The following CDC25C variants were observed in gnomAD, a reference collection of about 807,000 sequenced individuals.
The protein encoded by CDC25C is M-phase inducer phosphatase 3.
A neutral mutation model predicts 52.5 loss-of-function variants in CDC25C; 48 were observed. The observed-to-expected ratio is 0.91, with a 90% CI of 0.72 to 1.16. The LOEUF is 1.16. Among genes scored for constraint, CDC25C ranks in the 50% most tolerant of loss-of-function variants. The pLI, the probability that CDC25C is intolerant of heterozygous loss-of-function variation, is 0.00. For synonymous variants in CDC25C, 187 were observed against 206.5 expected, an observed-to-expected ratio of 0.91 and a Z score of 0.81; for missense variants, 510 against 566.1, an observed-to-expected ratio of 0.90 and a Z score of 1.01.
intron 7 of CDC25C, among the ~76,000 whole-genome samples, chr5:138,297,294 CAA>C (rs1464911289): frequency 5.9e-5 from 9 of 151,934 alleles, no homozygotes; most frequent in African/African-American, 2.2e-4. Flanking sequence ...CTCCTGACCT[CAA>C]GTGATCGGCC....
chr5:138,337,905 T>C, intron 1 of CDC25C: 2 of 1,239,560 alleles, frequency 1.6e-6, no homozygotes, highest in Non-Finnish European at 2.1e-6. Flanking sequence ...AGTGGGAGGC[T>C]GCAGTTGGGC....
At chr5:138,307,993 C>T (rs534396329) in intron 7 of CDC25C, among the ~76,000 whole-genome samples, 7 of 152,222 alleles carry the variant, frequency 4.6e-5, no homozygotes, top group Admixed American at 2.6e-4. Context: ...CTAGATCCCT[C>T]GCATGCGCAG....
chr5:138,335,951 T>C (rs1182674537), upstream of CDC25C, among the ~76,000 whole-genome samples: 1 of 151,882 alleles, frequency 6.6e-6, no homozygotes, highest in Non-Finnish European at 1.5e-5. Flanking sequence ...TTAGACTGCT[T>C]TTTGAGAGTA....
At chr5:138,311,432 C>T (rs1254898716) in intron 7 of CDC25C, among the ~76,000 whole-genome samples, 3 of 152,054 alleles carry the variant, frequency 2.0e-5, no homozygotes, top group Non-Finnish European at 4.4e-5. Flanking sequence ...ATCTCTATCT[C>T]TACAAAAAAT....
exon 1 of CDC25C, chr5:138,338,211 C>G (rs1234300189): frequency 6.3e-6 from 8 of 1,274,244 alleles, no homozygotes; most frequent in Non-Finnish European, 8.2e-6. Context: ...TCCTCAGGGA[C>G]TCGTTGGTTC....
chr5:138,323,538 C>T (rs892495015), intron 6 of CDC25C, among the ~76,000 whole-genome samples: 2 of 151,996 alleles, frequency 1.3e-5, no homozygotes, highest in African/African-American at 4.8e-5. Flanking sequence ...ACTCAAAGTC[C>T]TGGACTCAAG....
chr5:138,312,687 G>A (rs756331340), intron 7 of CDC25C, among the ~76,000 whole-genome samples: 46 of 152,284 alleles, frequency 3.0e-4, no homozygotes, highest in Non-Finnish European at 5.7e-4. Flanking sequence ...CAGAGGCTGG[G>A]AGAAGGGGAA....
chr5:138,308,420 G>T (rs560952183), intron 7 of CDC25C, among the ~76,000 whole-genome samples: 161 of 152,246 alleles, frequency 1.1e-3, no homozygotes, highest in African/African-American at 3.6e-3. Flanking sequence ...AATTCAATTT[G>T]CTAAGTTAAT....
intron 6 of CDC25C, among the ~76,000 whole-genome samples, chr5:138,325,056 C>G (rs545933368): frequency 6.6e-6 from 1 of 151,908 alleles, no homozygotes; most frequent in South Asian, 2.1e-4. Context: ...GGCGATGGAG[C>G]GAGACTCAGT....
intron 7 of CDC25C, among the ~76,000 whole-genome samples, chr5:138,308,986 C>G (rs1758239358): frequency 6.6e-6 from 1 of 152,114 alleles, no homozygotes; most frequent in Admixed American, 6.5e-5. Context: ...TGGATGTATA[C>G]TGCTTAGCAC....
At chr5:138,286,194 CATT>C in intron 12 of CDC25C, 61 bp from the exon 13 acceptor site, 1 of 1,273,266 alleles carries the variant, frequency 7.9e-7, no homozygotes, top group Non-Finnish European at 1.1e-6. Context: ...TCCCAGGGGC[CATT>C]CACTGGGGAG....
chr5:138,316,550 G>C (rs11740078), intron 7 of CDC25C, among the ~76,000 whole-genome samples: 3 of 151,938 alleles, frequency 2.0e-5, no homozygotes, highest in African/African-American at 7.3e-5. Flanking sequence ...GCTGGGGACC[G>C]GGCTGCTAGT....
chr5:138,331,512 C>G (rs1226687204), intron 1 of CDC25C, 83 bp downstream of exon 1: 40 of 1,062,318 alleles, frequency 3.8e-5, no homozygotes, highest in Non-Finnish European at 4.2e-5. Context: ...CCCTCCCAAC[C>G]TCTGTCTGTG....
At chr5:138,319,403 C>T (rs779872001) in intron 6 of CDC25C, 29 bp from the exon 7 acceptor site, 3 of 1,557,992 alleles carry the variant, frequency 1.9e-6, no homozygotes, top group Non-Finnish European at 2.6e-6. Context: ...ACATTAAAAA[C>T]TATTCAAAAT....
chr5:138,325,571 A>G (rs961764835), intron 6 of CDC25C, among the ~76,000 whole-genome samples: 5 of 152,144 alleles, frequency 3.3e-5, no homozygotes, highest in African/African-American at 4.8e-5. Flanking sequence ...TTTGTCCTCA[A>G]AATGATCAAC....
At chr5:138,305,115 C>G (rs550489864) in intron 7 of CDC25C, among the ~76,000 whole-genome samples, 1 of 152,244 alleles carries the variant, frequency 6.6e-6, no homozygotes, top group Non-Finnish European at 1.5e-5. Context: ...TCATGAAATG[C>G]TCCTGCCTCT....
chr5:138,330,984 T>A lies in CDC25C; in HGVS notation c.194+3A>T. 6.3e-7 allele frequency: 1 copy of A among 1,593,212 alleles called. No homozygotes were observed. The highest frequency in any genetic ancestry group is 1.1e-5 in the South Asian group (1 of 90,606). Reference sequence around the variant, plus strand: ...TACAGTGTAAAAATAAAAGTATATTTACCCAGACAAAATGCTTAGGTTTGC... The same window carrying A: ...TACAGTGTAAAAATAAAAGTATATTAACCCAGACAAAATGCTTAGGTTTGC... On this transcript the variant is annotated splice_donor_region_variant and intron_variant, in intron 2 of 13. Coordinates refer to ENST00000323760, the MANE Select transcript of CDC25C (RefSeq NM_001790.5).
At chr5:138,328,984 A>T (rs1208736052) in intron 3 of CDC25C, 2 of 160,844 alleles carry the variant, frequency 1.2e-5, no homozygotes, top group Admixed American at 1.2e-4. Context: ...GGCTCACTGC[A>T]ACCTCCACCT....
chr5:138,296,113 C>T lies in CDC25C; in HGVS notation c.616-3997G>A, dbSNP rs568523738. On this transcript the variant is annotated intron_variant, in intron 7 of 13. Coordinates refer to ENST00000323760, the MANE Select transcript of CDC25C (RefSeq NM_001790.5). Reference sequence around the variant, plus strand: ...GCTATCAACAGCCTTCATGTTGCAGCATCTGACAGTCACTTCTCTAGCCAC... The same window carrying T: ...GCTATCAACAGCCTTCATGTTGCAGTATCTGACAGTCACTTCTCTAGCCAC... Among the ~76,000 whole-genome samples, 169 of 152,346 alleles carry T rather than the reference C, an allele frequency of 1.1e-3. 1 individual carries two copies. The highest frequency in any genetic ancestry group is 1.4e-3 in the South Asian group (7 of 4,830).
Sources: allele counts gnomAD v4.1 joint callset (sites outside exome capture counted in the v4.1 genomes callset), GRCh38; gene constraint gnomAD v4.1.1; transcripts MANE v1.5; gene names NCBI Gene and HGNC (gene_info 2026-07-23, HGNC 2026-07-21).